The following IAH1 variants were observed in gnomAD, a reference collection of about 807,000 sequenced individuals.
IAH1 encodes the protein isoamyl acetate hydrolyzing esterase 1 (putative), also known as isoamyl acetate-hydrolyzing esterase 1 homolog.
In IAH1, 24 loss-of-function variants were observed where a neutral mutation model predicts 26.7. The ratio of observed to expected loss-of-function variants is 0.90; its 90% confidence interval spans 0.65 to 1.26. IAH1 has a LOEUF of 1.26. Ranked by LOEUF, IAH1 falls within the 50% of genes most tolerant of loss-of-function variation. IAH1 has a pLI of 0.00. For synonymous variants in IAH1, 140 were observed against 118.5 expected (o/e 1.18, Z -1.18); for missense variants, 300 against 299.9 (o/e 1.00, Z 0.00).
the IAH1 span, among the ~76,000 whole-genome samples, chr2:9,512,064 A>G: frequency 1.3e-5 from 2 of 152,094 alleles, no homozygotes; most frequent in Non-Finnish European, 2.9e-5. Context: ...AAATCACTCC[A>G]TAGAACCTGA....
the IAH1 span, chr2:9,512,244 T>A: frequency 7.4e-6 from 1 of 135,910 alleles, no homozygotes; most frequent in Non-Finnish European, 1.6e-5. Context: ...ATTAGTGGAT[T>A]TGCTAATGAC....
the IAH1 span, among the ~76,000 whole-genome samples, chr2:9,501,913 C>T: frequency 6.6e-6 from 1 of 151,894 alleles, no homozygotes; most frequent in East Asian, 1.9e-4. Context: ...AGGATATACA[C>T]ATATCCAGGC....
chr2:9,493,734 G>A (rs1662341658), downstream of IAH1: 6 of 1,609,890 alleles, frequency 3.7e-6, no homozygotes, highest in Non-Finnish European at 5.1e-6. Context: ...AGTAATCTGG[G>A]GAAATCACCT....
downstream of IAH1, chr2:9,494,655 T>C: frequency 6.2e-7 from 1 of 1,614,054 alleles, no homozygotes; most frequent in Non-Finnish European, 8.5e-7. Context: ...CACAAAATCC[T>C]ACTGTACAGG....
chr2:9,483,961 GC>G (rs760260212), intron 4 of IAH1, among the ~76,000 whole-genome samples: 1 of 152,208 alleles, frequency 6.6e-6, no homozygotes, highest in East Asian at 1.9e-4. Flanking sequence ...TTTGTCTAAA[GC>G]CGACAAATGA....
At chr2:9,509,026 A>G in the IAH1 span, among the ~76,000 whole-genome samples, 2 of 152,242 alleles carry the variant, frequency 1.3e-5, no homozygotes, top group Admixed American at 1.3e-4. Context: ...AAAGATCACA[A>G]AAAGAACAGG....
chr2:9,509,990 C>T, the IAH1 span: 19 of 1,613,880 alleles, frequency 1.2e-5, no homozygotes, highest in Non-Finnish European at 1.4e-5. Context: ...TTATTGTTCT[C>T]GTGATCGCCA....
the IAH1 span, among the ~76,000 whole-genome samples, chr2:9,501,943 G>A: frequency 6.6e-6 from 1 of 151,922 alleles, no homozygotes; most frequent in Non-Finnish European, 1.5e-5. Context: ...CCACAGTAGA[G>A]TGGATGTCTG....
At chr2:9,510,215 TA>T in the IAH1 span, 1 of 1,294,244 alleles carries the variant, frequency 7.7e-7, no homozygotes. Context: ...CTGTCTTAAA[TA>T]GAGCCTTATA....
At chr2:9,491,500 C>T (rs140706093), downstream of IAH1, among the ~76,000 whole-genome samples, 7 of 152,340 alleles carry the variant, frequency 4.6e-5, no homozygotes, top group African/African-American at 1.7e-4. Flanking sequence ...GCTGGGTACA[C>T]CAGGACCGCA....
the IAH1 span, chr2:9,510,006 A>G: frequency 1.0e-4 from 163 of 1,614,108 alleles, no homozygotes; most frequent in East Asian, 2.9e-3. Context: ...CGCCACTCAC[A>G]GCTATGGGAT....
chr2:9,491,184 C>T, downstream of IAH1: 1 of 1,591,880 alleles, frequency 6.3e-7, no homozygotes, highest in Admixed American at 1.7e-5. Context: ...TCATTCCCTA[C>T]AAATACAATT....
At chr2:9,498,611 G>A (rs1203841201), downstream of IAH1, among the ~76,000 whole-genome samples, 1 of 152,182 alleles carries the variant, frequency 6.6e-6, no homozygotes. Flanking sequence ...AAACAAAAGT[G>A]ATGGTTTATT....
rs1558473757 is a variant in IAH1, at chr2:9,476,016, A to G, written c.111A>G (p.Ala37=). 1 of 1,613,840 alleles carries G rather than the reference A, an allele frequency of 6.2e-7. No individual in the cohort carries two copies. Among genetic ancestry groups the G allele is most frequent in the East Asian group, 2.2e-5 (1 of 44,884 alleles). The change falls in exon 2 of 6, where the codon GCA becomes GCG. Residue 37 remains alanine (A), a synonymous_variant. Coordinates refer to ENST00000497473, the MANE Select transcript of IAH1 (RefSeq NM_001039613.3). ...QFSFQQGGWG[A]SLADRLVRKC... is the part of the protein sequence containing the mutation. ...CCTTCCAGCAGGGTGGATGGGGAGCATCGCTGGCTGACAGGCTGGTCAGGT... is the reference window on the plus strand; with the variant it reads ...CCTTCCAGCAGGGTGGATGGGGAGCGTCGCTGGCTGACAGGCTGGTCAGGT...
the IAH1 span, among the ~76,000 whole-genome samples, chr2:9,507,874 A>G: frequency 1.3e-5 from 2 of 152,038 alleles, no homozygotes; most frequent in East Asian, 1.9e-4. Flanking sequence ...TTCTATGCCC[A>G]GCTAATTTTT....
downstream of IAH1, chr2:9,494,510 T>C (rs1048874160): frequency 1.8e-6 from 2 of 1,100,018 alleles, no homozygotes; most frequent in East Asian, 2.6e-5. Context: ...TACCCGTAGA[T>C]AACAATGGGC....
rs745934419 is a variant in IAH1, at chr2:9,478,278, T to C, written c.191T>C (p.Ile64Thr). 11 of 1,613,192 alleles carry C rather than the reference T, an allele frequency of 6.8e-6. No homozygotes were observed. Among genetic ancestry groups the C allele is most frequent in the Non-Finnish European group, 9.3e-6 (11 of 1,179,670 alleles). Residue 64 changes from isoleucine to threonine, a missense_variant, in exon 3 of 6, where the codon ATT becomes ACT. Ile to Thr is a moderately conservative substitution (Grantham distance 89). Transcript: ENST00000497473. ...FSGYNTRWAK[I>T]ILPRLIRKGN... ...GGTTACAATACCAGGTGGGCCAAAA[T>C]TATCCTTCCAAGATTAATCAGGAAA...
downstream of IAH1, chr2:9,492,999 C>T (rs1314903842): frequency 1.2e-6 from 2 of 1,600,688 alleles, no homozygotes; most frequent in Non-Finnish European, 1.7e-6. Context: ...GTGAACAATT[C>T]CAAACAGTTA....
Position 9,488,642 on chromosome 2 carries a change from TC to T in IAH1, c.*314del, listed in dbSNP as rs1052457509. The T allele has an allele frequency of 1.1e-4, 21 of 197,136 alleles. 1 individual carries two copies. Among genetic ancestry groups the T allele is most frequent in the East Asian group, 6.3e-4 (5 of 7,948 alleles). 12.2% of individuals were successfully genotyped at this position (197,136 alleles called of 1,614,324 possible). A position where few individuals can be genotyped will look rare whatever the true frequency, so the allele number is the denominator to read the frequency against. On this transcript the variant is annotated 3_prime_UTR_variant, in exon 6 of 6. Transcript: ENST00000497473. ...TTCTTACATTCTTTTGAGAACTGTT[TC>T]ACTCATACATACACCCACACACCCC...
Sources: allele counts gnomAD v4.1 joint callset (sites outside exome capture counted in the v4.1 genomes callset), GRCh38; gene constraint gnomAD v4.1.1; transcripts MANE v1.5; gene names NCBI Gene and HGNC (gene_info 2026-07-23, HGNC 2026-07-21).